Variants in CACNA1A observed in about 807,000 individuals in gnomAD.
The protein encoded by CACNA1A is calcium voltage-gated channel subunit alpha1 A.
CACNA1A carries 57 observed loss-of-function variants against 262.4 expected under a neutral mutation model. That is an observed-to-expected ratio of 0.22 (90% confidence interval 0.18 to 0.27). The LOEUF (loss-of-function observed/expected upper bound fraction) is 0.27, where lower values mean the gene tolerates loss of function less well. Ranked by LOEUF, CACNA1A falls within the 10% of genes least tolerant of loss-of-function variation. The pLI is 1.00. For missense variants in CACNA1A, 2,526 were observed against 3,562.8 expected, an observed-to-expected ratio of 0.71 and a Z score of 7.41; for synonymous variants, 1,431 against 1,419.3, an observed-to-expected ratio of 1.01 and a Z score of -0.18.
chr19:13,309,590 G>A (rs2057975933), intron 12 of CACNA1A, among the ~76,000 whole-genome samples: 1 of 152,092 alleles, frequency 6.6e-6, no homozygotes, highest in East Asian at 2.0e-4. Flanking sequence ...CTACTTAGGA[G>A]GCTGAGGAGG....
intron 10 of CACNA1A, among the ~76,000 whole-genome samples, chr19:13,321,024 CCTTTT>C (rs2058240647): frequency 7.6e-6 from 1 of 132,362 alleles, no homozygotes; most frequent in Non-Finnish European, 1.6e-5. Flanking sequence ...ATGTTCTTTT[CCTTTT>C]TTTTTTTTTT....
intron 1 of CACNA1A, among the ~76,000 whole-genome samples, chr19:13,463,783 A>C (rs983473817): frequency 1.3e-5 from 2 of 152,234 alleles, no homozygotes; most frequent in Non-Finnish European, 2.9e-5. Context: ...TGAAATGAGA[A>C]GTCTACTCAG....
chr19:13,212,185 C>T lies in CACNA1A; in HGVS notation c.6221G>A (p.Gly2074Asp). 1 of 1,613,902 alleles carries T rather than the reference C, an allele frequency of 6.2e-7. No homozygotes were observed. The highest frequency in any genetic ancestry group is 1.3e-5 in the African/African-American group (1 of 75,036). ...GAGGTAGTGCTCGCTGTCGGAGTAG[C>T]CATCTCTGCCCATCTCTCGCATCTC... Reference protein sequence around the residue: ...SVEMREMGRDGYSDSEHYLPM... With the variant: ...SVEMREMGRDDYSDSEHYLPM... The change falls in exon 43 of 47, where the codon GGC becomes GAC. Residue 2074 changes from glycine to aspartate, a missense_variant. Gly to Asp is a moderately conservative substitution (Grantham distance 94). Around this residue, in one of 17 missense-constraint regions of CACNA1A, gnomAD observed 929 missense variants for 868.1 expected, o/e 1.07. Coordinates refer to ENST00000360228, the MANE Select transcript of CACNA1A (RefSeq NM_001127222.2). This position sits in a 1 kb window ranked among gnomAD's most constrained non-coding sequence, Gnocchi z 5.6.
At position 13,422,801 on chromosome 19, in the gene CACNA1A, C is replaced by T. The variant is rs141869802; in HGVS notation, c.539+30075G>A. 1.9e-3 allele frequency among the ~76,000 whole-genome samples: 289 copies of T among 152,304 alleles called. 1 individual carries two copies. Among genetic ancestry groups the T allele is most frequent in the African/African-American group, 6.5e-3 (271 of 41,550 alleles). On this transcript the variant is annotated intron_variant, in intron 3 of 46. Coordinates refer to ENST00000360228, the MANE Select transcript of CACNA1A (RefSeq NM_001127222.2). ...GGCTCAGGTGAGCTTCTCTGGTTGG[C>T]GGTACACTGTACATTGTCACACACC...
chr19:13,259,330 TTTTTTTTTTTTTGG>T, intron 27 of CACNA1A: 1 of 126,886 alleles, frequency 7.9e-6, no homozygotes, highest in Admixed American at 8.2e-5. Flanking sequence ...TTTTTTTTTT[TTTTTTTTTTTTTGG>T]GATTTTTAGT....
chr19:13,474,622 G>T (rs906386791), intron 1 of CACNA1A, among the ~76,000 whole-genome samples: 6 of 152,164 alleles, frequency 3.9e-5, no homozygotes, highest in Admixed American at 3.9e-4. Context: ...TTCGAGACCA[G>T]CCTGGCCAAT....
At chr19:13,249,946 G>C (rs969248045) in intron 30 of CACNA1A, among the ~76,000 whole-genome samples, 2 of 152,166 alleles carry the variant, frequency 1.3e-5, no homozygotes, top group Non-Finnish European at 2.9e-5. Context: ...GACTAAGCTG[G>C]TGGTCAAGAG....
At chr19:13,360,265 GTATATA>G (rs34849471) in intron 5 of CACNA1A, among the ~76,000 whole-genome samples, 3 of 124,168 alleles carry the variant, frequency 2.4e-5, no homozygotes, top group East Asian at 2.8e-4. Context: ...GTGTGTGTGT[GTATATA>G]TATATATATA....
intron 6 of CACNA1A, among the ~76,000 whole-genome samples, chr19:13,350,834 C>A (rs537127571): frequency 6.6e-6 from 1 of 152,106 alleles, no homozygotes; most frequent in African/African-American, 2.4e-5. Flanking sequence ...GAGAACATGT[C>A]TCTACCAAAA....
At chr19:13,440,726 C>CTT (rs1208261149) in intron 3 of CACNA1A, among the ~76,000 whole-genome samples, 1 of 152,200 alleles carries the variant, frequency 6.6e-6, no homozygotes, top group Non-Finnish European at 1.5e-5. Flanking sequence ...AAGTAACATC[C>CTT]ATAAACCCAG....
At chr19:13,369,037 CAAAAAAA>C (rs71170503) in intron 4 of CACNA1A, among the ~76,000 whole-genome samples, 2 of 48,794 alleles carry the variant, frequency 4.1e-5, no homozygotes, top group Non-Finnish European at 8.7e-5. Flanking sequence ...GACTCCGTCT[CAAAAAAA>C]AAAAAAAAAA....
At chr19:13,332,146 C>G (rs1334950075) in intron 9 of CACNA1A, among the ~76,000 whole-genome samples, 2 of 152,118 alleles carry the variant, frequency 1.3e-5, no homozygotes, top group Non-Finnish European at 2.9e-5. Context: ...GACATCTACA[C>G]TCCCAGCATT....
chr19:13,246,976 C>T (rs567546683), intron 30 of CACNA1A, among the ~76,000 whole-genome samples: 1 of 152,326 alleles, frequency 6.6e-6, no homozygotes, highest in South Asian at 2.1e-4. Flanking sequence ...AGAACAGTCA[C>T]AGCCTCAAGT....
intron 3 of CACNA1A, among the ~76,000 whole-genome samples, chr19:13,411,835 C>G (rs955575464): frequency 6.6e-6 from 1 of 152,098 alleles, no homozygotes; most frequent in African/African-American, 2.4e-5. Flanking sequence ...CTTCACTGTC[C>G]TGAGTAGCTG....
intron 38 of CACNA1A, among the ~76,000 whole-genome samples, chr19:13,215,714 T>G (rs375118938): frequency 6.6e-6 from 1 of 151,598 alleles, no homozygotes; most frequent in Middle Eastern, 3.4e-3. Flanking sequence ...CCTCCCAGGT[T>G]CAAGAGATTC....
chr19:13,238,112 G>T (rs2055941108), intron 31 of CACNA1A, among the ~76,000 whole-genome samples: 1 of 152,144 alleles, frequency 6.6e-6, no homozygotes, highest in Non-Finnish European at 1.5e-5. Context: ...GGGGCAGTGG[G>T]GGAAGGGTAC....
rs952087210 is a variant in CACNA1A, at chr19:13,251,973, C to G, written c.4866+1018G>C. The stretch of plus-strand genomic sequence containing the variant: ...TAGAGATGGGGTTTTGCCATGTTGG[C>G]CAGGGTGGTCTCGAACTCCTAGGCT... On this transcript the variant is annotated intron_variant, in intron 30 of 46. Transcript: ENST00000360228. Among the ~76,000 whole-genome samples, 20 of 151,870 alleles carry G rather than the reference C, an allele frequency of 1.3e-4. 1 individual carries two copies. The highest frequency in any genetic ancestry group is 2.9e-4 in the Non-Finnish European group (20 of 67,990).
chr19:13,372,112 G>C (rs993971579), intron 3 of CACNA1A, among the ~76,000 whole-genome samples: 1 of 152,142 alleles, frequency 6.6e-6, no homozygotes, highest in Non-Finnish European at 1.5e-5. Flanking sequence ...GGGGTGGCCT[G>C]GGGCCCTGGG....
rs1174927684 is a variant in CACNA1A, at chr19:13,212,927, T to C, written c.5941-187A>G. ...ACTTCTCACTCCTCCACCCAAGTCA[T>C]AGCCCCAGCCTGGTCCCACGTCCTC... On this transcript the variant is annotated intron_variant, in intron 40 of 46. Coordinates refer to ENST00000360228, the MANE Select transcript of CACNA1A (RefSeq NM_001127222.2). The surrounding 1 kb of genome is among the most constrained non-coding windows in gnomAD (Gnocchi z 5.6). Among the ~76,000 whole-genome samples the C allele has an allele frequency of 6.6e-6, 1 of 151,988 alleles. No homozygotes were observed. Among genetic ancestry groups the C allele is most frequent in the Non-Finnish European group, 1.5e-5 (1 of 68,000 alleles).
Sources: gnomAD v4.1 joint callset for allele counts (sites outside exome capture counted in the v4.1 genomes callset) on GRCh38, gnomAD v4.1.1 for gene constraint, gnomAD v4.1.1 regional missense constraint, Gnocchi (gnomAD v3.1) non-coding constraint, MANE v1.5 for transcripts, NCBI Gene and HGNC (gene_info 2026-07-23, HGNC 2026-07-21) for gene names.